The following AMZ2 variants were observed in gnomAD, a reference collection of about 807,000 sequenced individuals.
The protein encoded by AMZ2 is archaemetzincin-2.
Under a neutral mutation model 36.7 loss-of-function variants are expected in AMZ2, and 26 were observed. The observed-to-expected ratio is 0.71, with a 90% CI of 0.52 to 0.98. The LOEUF (loss-of-function observed/expected upper bound fraction) is 0.98. AMZ2 is among the 50% of genes least tolerant of loss of function. The pLI, the probability that AMZ2 is intolerant of heterozygous loss-of-function variation, is 0.00. For missense variants in AMZ2, 394 were observed against 430.5 expected (o/e 0.92, Z 0.75); for synonymous variants, 144 against 149.1 (o/e 0.97, Z 0.25).
At chr17:68,222,306 T>C (rs1287332905) in intron 1 of AMZ2, among the ~76,000 whole-genome samples, 5 of 152,070 alleles carry the variant, frequency 3.3e-5, no homozygotes, top group Non-Finnish European at 1.5e-5. Context: ...TCAAGCTCAG[T>C]GGAGAGGTCT....
chr17:68,208,807 T>C (rs1437821866), intron 1 of AMZ2, among the ~76,000 whole-genome samples: 1 of 151,454 alleles, frequency 6.6e-6, no homozygotes, highest in Non-Finnish European at 1.5e-5. Flanking sequence ...ACACGTCGCC[T>C]TAAGAGCGGT....
At position 68,257,047 on chromosome 17, in the gene AMZ2, A is replaced by T; in HGVS notation, c.*78A>T. 6.9e-7 allele frequency: 1 copy of T among 1,451,698 alleles called. No homozygotes were observed. The allele number at this position is 1,451,698 out of a possible 1,614,324, so 89.9% of individuals were successfully genotyped here. A position where few individuals can be genotyped will look rare whatever the true frequency, so the allele number is the denominator to read the frequency against. On this transcript the variant is annotated 3_prime_UTR_variant, in exon 7 of 7. Transcript: ENST00000359904. ...TCATTTGGGTGGAATACTTCATTGG[A>T]ATAAACTACTGATCTTGTGCTGTGT...
intron 1 of AMZ2, among the ~76,000 whole-genome samples, chr17:68,211,736 ATG>A (rs1474472866): frequency 2.3e-4 from 23 of 98,794 alleles, no homozygotes; most frequent in South Asian, 1.3e-3. Context: ...ATATGTATAT[ATG>A]TGTATATGTA....
intron 1 of AMZ2, chr17:68,207,313 A>ACCAC (rs67047597): frequency 1.8e-5 from 2 of 110,654 alleles, no homozygotes; most frequent in Admixed American, 9.3e-5. Context: ...TTTGTTAAAT[A>ACCAC]CCCCCCCCCC....
upstream of AMZ2, among the ~76,000 whole-genome samples, chr17:68,244,494 C>G (rs1194614623): frequency 1.3e-5 from 2 of 152,086 alleles, no homozygotes; most frequent in African/African-American, 2.4e-5. Context: ...ACCGTTTTGG[C>G]CTGGCTGGTC....
chr17:68,230,535 C>G (rs548005669), intron 1 of AMZ2, among the ~76,000 whole-genome samples: 1 of 152,366 alleles, frequency 6.6e-6, no homozygotes, highest in South Asian at 2.1e-4. Context: ...GTGCATTTCA[C>G]TGGGGGCTAC....
chr17:68,227,684 A>G (rs1368496012), intron 1 of AMZ2, among the ~76,000 whole-genome samples: 4 of 152,222 alleles, frequency 2.6e-5, no homozygotes, highest in South Asian at 2.1e-4. Flanking sequence ...TGTGTCTGAT[A>G]TCCCTCTGTC....
At chr17:68,216,766 C>G (rs575699185) in intron 1 of AMZ2, among the ~76,000 whole-genome samples, 1 of 152,118 alleles carries the variant, frequency 6.6e-6, no homozygotes, top group Non-Finnish European at 1.5e-5. Context: ...CACGGTGGCT[C>G]ACGCCTGTAA....
At chr17:68,220,177 G>A (rs2073310315) in intron 1 of AMZ2, among the ~76,000 whole-genome samples, 1 of 152,128 alleles carries the variant, frequency 6.6e-6, no homozygotes, top group Admixed American at 6.6e-5. Flanking sequence ...TGAGTGATGG[G>A]AATCACAAAA....
chr17:68,207,313 A>AACCCCCCC (rs2072865347), intron 1 of AMZ2: 3 of 110,648 alleles, frequency 2.7e-5, no homozygotes, highest in Non-Finnish European at 5.7e-5. Context: ...TTTGTTAAAT[A>AACCCCCCC]CCCCCCCCCC....
At position 68,250,870 on chromosome 17, in the gene AMZ2, T is replaced by C. The variant is rs781811392; in HGVS notation, c.360T>C (p.Tyr120=). The C allele has an allele frequency of 6.2e-6, 10 of 1,609,074 alleles. No individual in the cohort carries two copies. The highest frequency in any genetic ancestry group is 3.4e-5 in the Admixed American group (2 of 58,530). ...WLTGYCKAYF[Y]GLRVKLLEPV... ...CGGGCTACTGTAAAGCATATTTCTA[T>C]GGCTTGAGAGTAAAACTCCTAGAAC... Residue 120 remains tyrosine (Y), a synonymous_variant, in exon 3 of 7, where the codon TAT becomes TAC. Transcript: ENST00000359904.
intron 1 of AMZ2, among the ~76,000 whole-genome samples, chr17:68,209,632 A>ATTTT (rs1224207690): frequency 2.2e-5 from 2 of 90,690 alleles, no homozygotes; most frequent in African/African-American, 5.0e-5. Context: ...ATATATATAT[A>ATTTT]TTTTTTTTTT....
chr17:68,236,953 G>C (rs1223924343), intron 1 of AMZ2, among the ~76,000 whole-genome samples: 2 of 152,050 alleles, frequency 1.3e-5, no homozygotes, highest in African/African-American at 4.8e-5. Context: ...TACACTGCTT[G>C]GGACTTTTTA....
chr17:68,253,209 G>A (rs1210834268), intron 4 of AMZ2, among the ~76,000 whole-genome samples: 3 of 152,312 alleles, frequency 2.0e-5, no homozygotes, highest in South Asian at 2.1e-4. Context: ...TAGATTTAGT[G>A]TGCTCTTAAT....
At chr17:68,208,348 G>T (rs1421470912) in intron 1 of AMZ2, among the ~76,000 whole-genome samples, 2 of 152,174 alleles carry the variant, frequency 1.3e-5, no homozygotes, top group Non-Finnish European at 2.9e-5. Flanking sequence ...TCGGCACTCT[G>T]TATCTAGCTC....
At chr17:68,231,850 A>G (rs2073671229) in intron 1 of AMZ2, among the ~76,000 whole-genome samples, 1 of 152,210 alleles carries the variant, frequency 6.6e-6, no homozygotes, top group Non-Finnish European at 1.5e-5. Context: ...TTAGTTAAAC[A>G]GAATTTCAAA....
intron 1 of AMZ2, among the ~76,000 whole-genome samples, chr17:68,232,369 A>G (rs1356100018): frequency 1.3e-5 from 2 of 151,496 alleles, no homozygotes; most frequent in South Asian, 2.1e-4. Context: ...GGTGGCCTGC[A>G]TCTCTAGTCC....
intron 1 of AMZ2, among the ~76,000 whole-genome samples, chr17:68,210,075 A>G (rs1431317725): frequency 1.3e-5 from 2 of 152,244 alleles, no homozygotes; most frequent in Non-Finnish European, 1.5e-5. Context: ...TGGAACCATT[A>G]TGTATTGTTA....
intron 1 of AMZ2, among the ~76,000 whole-genome samples, chr17:68,241,928 A>G (rs2073910739): frequency 6.8e-6 from 1 of 146,478 alleles, no homozygotes; most frequent in Non-Finnish European, 1.5e-5. Flanking sequence ...TTTTTGTAGC[A>G]GAGACGAGGG....
Sources: gnomAD v4.1 joint callset for allele counts (sites outside exome capture counted in the v4.1 genomes callset) on GRCh38, gnomAD v4.1.1 for gene constraint, MANE v1.5 for transcripts, NCBI Gene and HGNC (gene_info 2026-07-23, HGNC 2026-07-21) for gene names.